Variants in KCNQ1OT1 observed in about 807,000 individuals in gnomAD.
KCNQ1OT1 encodes KCNQ1 antisense RNA 2 (non-protein coding).
chr11:2,640,287 C>G (rs1250943305), exon 1 of KCNQ1OT1: 4 of 398,028 alleles, frequency 1.0e-5, no homozygotes, highest in Non-Finnish European at 1.8e-5. Context: ...AATCACCCAT[C>G]TTCTGCGTCA....
chr11:2,680,227 A>G (rs1850370352), exon 1 of KCNQ1OT1: 2 of 382,460 alleles, frequency 5.2e-6, no homozygotes, highest in East Asian at 3.8e-5. Flanking sequence ...AAAAAAAAAA[A>G]GTTGTCTATC....
Position 2,671,423 on chromosome 11 carries a change from AGATT to A in KCNQ1OT1, n.28568_28571del. 5.0e-6 allele frequency: 2 copies of A among 398,658 alleles called. No homozygotes were observed. The highest frequency in any genetic ancestry group is 8.8e-6 in the Non-Finnish European group (2 of 226,082). The allele number at this position is 398,658 out of a possible 1,614,324, so 24.7% of individuals were successfully genotyped here. A position where few individuals can be genotyped will look rare whatever the true frequency, so the allele number is the denominator to read the frequency against. ...CAGGGTACTCTGGATGTGCACCCAG[AGATT>A]CTCCCACTTTAGCAGGCAGAAGAGC... On this transcript the variant is annotated non_coding_transcript_exon_variant, in exon 1 of 1. Coordinates refer to ENST00000597346, the Ensembl canonical transcript of KCNQ1OT1. This position sits in a 1 kb window ranked among gnomAD's most constrained non-coding sequence, Gnocchi z 4.7.
At chr11:2,685,056 G>A (rs1850460394) in exon 1 of KCNQ1OT1, 2 of 398,636 alleles carry the variant, frequency 5.0e-6, no homozygotes, top group Non-Finnish European at 8.8e-6. Context: ...GATTTAAAAT[G>A]TATGGGACAG....
chr11:2,671,804 A>G lies in KCNQ1OT1; in HGVS notation n.28191T>C, dbSNP rs115246282. ...TGACCCAGTCAGGGTTCTTCCCCCAAATAAATCCCTGCAACCCCACTGTGG... is the reference window on the plus strand; with the variant it reads ...TGACCCAGTCAGGGTTCTTCCCCCAGATAAATCCCTGCAACCCCACTGTGG... On this transcript the variant is annotated non_coding_transcript_exon_variant, in exon 1 of 1. Transcript: ENST00000597346. The surrounding 1 kb of genome is among the most constrained non-coding windows in gnomAD (Gnocchi z 4.7). The G allele has an allele frequency of 1.4e-4, 55 of 398,696 alleles. No homozygotes were observed. In the Middle Eastern group the frequency reaches 1.9e-3, roughly 14 times the overall value. The allele number at this position is 398,696 out of a possible 1,614,324, so 24.7% of individuals were successfully genotyped here.
exon 1 of KCNQ1OT1, chr11:2,699,146 C>T: frequency 2.5e-6 from 1 of 398,690 alleles, no homozygotes; most frequent in Non-Finnish European, 4.4e-6. Flanking sequence ...AATCCCAATT[C>T]AGCCCACTCT....
chr11:2,684,956 A>T (rs1158218581), exon 1 of KCNQ1OT1: 3 of 398,568 alleles, frequency 7.5e-6, no homozygotes, highest in Non-Finnish European at 8.8e-6. Flanking sequence ...GTACCTGGTA[A>T]GGAGTGAAAT....
exon 1 of KCNQ1OT1, chr11:2,662,241 G>A: frequency 1.1e-6 from 1 of 890,328 alleles, no homozygotes; most frequent in South Asian, 1.6e-5. Flanking sequence ...GAGGCACCAG[G>A]CAAGAGAGGA....
rs1441283016 is a variant in KCNQ1OT1 at position 2,611,743 on chromosome 11, ATGT to A, written n.88249_88251del. On this transcript the variant is annotated non_coding_transcript_exon_variant, in exon 1 of 1. Transcript: ENST00000597346. This position sits in a 1 kb window ranked among gnomAD's most constrained non-coding sequence, Gnocchi z 5.3. ...TGATATGGAAGGATTTATATCTACC[ATGT>A]TGTTATTTATTTTCTATATGTCTCA... is the stretch of plus-strand genomic sequence containing the variant. 1.1e-4 allele frequency: 45 copies of A among 398,310 alleles called. No individual in the cohort carries two copies. The highest frequency in any genetic ancestry group is 1.9e-4 in the Non-Finnish European group (44 of 226,016). 24.7% of individuals were successfully genotyped at this position (398,310 alleles called of 1,614,324 possible).
rs1476144844 is a variant in KCNQ1OT1 at position 2,670,336 on chromosome 11, G to C, written n.29659C>G. ...ATCTCAAATATGGTAGCAGAGTTCA[G>C]ACTCAGTGGCTTTCAGATGGTTAGT... On this transcript the variant is annotated non_coding_transcript_exon_variant, in exon 1 of 1. Coordinates refer to ENST00000597346, the Ensembl canonical transcript of KCNQ1OT1. The surrounding 1 kb of genome is among the most constrained non-coding windows in gnomAD (Gnocchi z 4.9). 2.5e-6 allele frequency: 1 copy of C among 398,436 alleles called. No individual in the cohort carries two copies. Among genetic ancestry groups the C allele is most frequent in the Non-Finnish European group, 4.4e-6 (1 of 226,068 alleles). The allele number at this position is 398,436 out of a possible 1,614,324, so 24.7% of individuals were successfully genotyped here.
Position 2,642,804 on chromosome 11 carries a change from A to G in KCNQ1OT1, n.57191T>C, listed in dbSNP as rs543033098. ...TTTTTTAATGGAGGCATTTATTACA[A>G]TAAACTTTCCTCTTAGCATTGCTTT... On this transcript the variant is annotated non_coding_transcript_exon_variant, in exon 1 of 1. Transcript: ENST00000597346. This position sits in a 1 kb window ranked among gnomAD's most constrained non-coding sequence, Gnocchi z 4.3. 1 of 397,860 alleles carries G rather than the reference A, an allele frequency of 2.5e-6. No individual in the cohort carries two copies. Among genetic ancestry groups the G allele is most frequent in the Non-Finnish European group, 4.4e-6 (1 of 225,684 alleles). The allele number at this position is 397,860 out of a possible 1,614,324, so 24.6% of individuals were successfully genotyped here. A position where few individuals can be genotyped will look rare whatever the true frequency, so the allele number is the denominator to read the frequency against.
rs1181037409 is a variant in KCNQ1OT1 at position 2,642,569 on chromosome 11, C to T, written n.57426G>A. 1 of 397,640 alleles carries T rather than the reference C, an allele frequency of 2.5e-6. No individual in the cohort carries two copies. The allele number at this position is 397,640 out of a possible 1,614,324, so 24.6% of individuals were successfully genotyped here. A position where few individuals can be genotyped will look rare whatever the true frequency, so the allele number is the denominator to read the frequency against. ...TCATGTAGGTCTTCTCTCTTTTCTT[C>T]TTGGATAGTTTAGCCACTGGTTATT... On this transcript the variant is annotated non_coding_transcript_exon_variant, in exon 1 of 1. Transcript: ENST00000597346. The surrounding 1 kb of genome is among the most constrained non-coding windows in gnomAD (Gnocchi z 4.3).
exon 1 of KCNQ1OT1, chr11:2,648,634 G>T (rs1290864027): frequency 1.0e-5 from 4 of 398,404 alleles, no homozygotes; most frequent in Non-Finnish European, 1.8e-5. Context: ...GGTCTGAGAA[G>T]ATACTTGATA....
At chr11:2,646,545 A>C (rs934868164) in exon 1 of KCNQ1OT1, 10 of 398,512 alleles carry the variant, frequency 2.5e-5, no homozygotes, top group Non-Finnish European at 4.4e-5. Flanking sequence ...AGGGGAGTGC[A>C]GACAGGGTCT....
Position 2,690,998 on chromosome 11 carries a change from T to A in KCNQ1OT1, n.8997A>T, listed in dbSNP as rs149807970. ...AAAGCCCACCAGACCATCAATGAAG[T>A]GGGCAAAAGCTCTGGGTGAACTCTT... On this transcript the variant is annotated non_coding_transcript_exon_variant, in exon 1 of 1. Transcript: ENST00000597346. The surrounding 1 kb of genome is among the most constrained non-coding windows in gnomAD (Gnocchi z 5.1). The A allele has an allele frequency of 2.0e-3, 806 of 398,614 alleles. 15 individuals are homozygous for A. The East Asian group carries it at 0.027, about 13-fold the overall frequency. The allele number at this position is 398,614 out of a possible 1,614,324, so 24.7% of individuals were successfully genotyped here. A position where few individuals can be genotyped will look rare whatever the true frequency, so the allele number is the denominator to read the frequency against.
Position 2,617,067 on chromosome 11 carries a change from A to G in KCNQ1OT1, n.82928T>C, listed in dbSNP as rs1156724616. 5.0e-6 allele frequency: 2 copies of G among 398,184 alleles called. No individual in the cohort carries two copies. The highest frequency in any genetic ancestry group is 8.8e-5 in the Admixed American group (2 of 22,694). The allele number at this position is 398,184 out of a possible 1,614,324, so 24.7% of individuals were successfully genotyped here. On this transcript the variant is annotated non_coding_transcript_exon_variant, in exon 1 of 1. Transcript: ENST00000597346. The surrounding 1 kb of genome is among the most constrained non-coding windows in gnomAD (Gnocchi z 4.6). ...TTAATATGTCCATCATCTCACAGTT[A>G]TTCTTTTGTGTGTATGAGTGAGAAA...
exon 1 of KCNQ1OT1, chr11:2,628,349 T>C (rs747119271): frequency 5.5e-5 from 22 of 398,482 alleles, no homozygotes; most frequent in Admixed American, 1.8e-4. Flanking sequence ...TGAGGTGATA[T>C]CTCAGTGTGG....
At chr11:2,685,347 T>C (rs1382885740) in exon 1 of KCNQ1OT1, 5 of 398,582 alleles carry the variant, frequency 1.3e-5, no homozygotes, top group Non-Finnish European at 1.8e-5. Flanking sequence ...TCATGGAGGG[T>C]ACATGGGCAG....
chr11:2,671,432 C>T lies in KCNQ1OT1; in HGVS notation n.28563G>A, dbSNP rs1590021821. On this transcript the variant is annotated non_coding_transcript_exon_variant, in exon 1 of 1. Transcript: ENST00000597346. The surrounding 1 kb of genome is among the most constrained non-coding windows in gnomAD (Gnocchi z 4.7). ...CTGGATGTGCACCCAGAGATTCTCC[C>T]ACTTTAGCAGGCAGAAGAGCAACCC... is the stretch of plus-strand genomic sequence containing the variant. The T allele has an allele frequency of 5.0e-6, 2 of 398,616 alleles. No homozygotes were observed. The highest frequency in any genetic ancestry group is 8.8e-6 in the Non-Finnish European group (2 of 226,068). The allele number at this position is 398,616 out of a possible 1,614,324, so 24.7% of individuals were successfully genotyped here.
At chr11:2,615,292 T>G (rs1189213885) in exon 1 of KCNQ1OT1, 1 of 398,006 alleles carries the variant, frequency 2.5e-6, no homozygotes, top group Non-Finnish European at 4.4e-6. Flanking sequence ...TTAGCTCTAC[T>G]AGTTTGTGGA....
Sources: gnomAD v4.1 joint callset for allele counts on GRCh38, gnomAD v4.1.1 for gene constraint, Gnocchi (gnomAD v3.1) non-coding constraint, MANE v1.5 for transcripts, NCBI Gene and HGNC (gene_info 2026-07-23, HGNC 2026-07-21) for gene names.